The following AFF3 variants were observed in gnomAD, a reference collection of about 807,000 sequenced individuals.
AFF3 encodes the protein ALF transcription elongation factor 3, also known as AF4/FMR2 family member 3.
A neutral mutation model predicts 129.7 loss-of-function variants in AFF3; 32 were observed. The observed-to-expected ratio is 0.25, with a 90% confidence interval of 0.19 to 0.33. AFF3 has a LOEUF of 0.33. Among genes scored for constraint, AFF3 ranks in the 10% least tolerant of loss-of-function variants. AFF3 has a pLI of 1.00. For missense variants in AFF3, 1,373 were observed against 1,592.0 expected (o/e 0.86, Z 2.34); for synonymous variants, 644 against 635.4 (o/e 1.01, Z -0.20).
intron 8 of AFF3, among the ~76,000 whole-genome samples, chr2:99,771,374 T>A (rs951777732): frequency 3.4e-5 from 5 of 148,554 alleles, no homozygotes; most frequent in African/African-American, 5.0e-5. Context: ...TAAGCCTGCA[T>A]ATCCTGCATA....
chr2:100,075,090 A>G (rs1477214270), intron 4 of AFF3, among the ~76,000 whole-genome samples: 1 of 152,218 alleles, frequency 6.6e-6, no homozygotes, highest in Non-Finnish European at 1.5e-5. Context: ...AGAGTATTAC[A>G]GCTTTCACAA....
intron 2 of AFF3, among the ~76,000 whole-genome samples, chr2:100,111,598 TAGTC>T (rs1213366638): frequency 6.6e-5 from 10 of 152,220 alleles, no homozygotes; most frequent in African/African-American, 1.2e-4. Flanking sequence ...GGAATAATAA[TAGTC>T]AGCCTTTCTT....
chr2:99,815,824 C>G (rs1427563483), intron 8 of AFF3, among the ~76,000 whole-genome samples: 1 of 151,504 alleles, frequency 6.6e-6, no homozygotes, highest in Non-Finnish European at 1.5e-5. Flanking sequence ...CTCTCTCTCT[C>G]TCTCTCTGTG....
At chr2:99,777,947 C>CAAAAGA in intron 8 of AFF3, among the ~76,000 whole-genome samples, 1 of 48,338 alleles carries the variant, frequency 2.1e-5, no homozygotes, top group Admixed American at 2.9e-4. Flanking sequence ...AAAGCAAAAG[C>CAAAAGA]AAAAAAAAAA....
intron 7 of AFF3, among the ~76,000 whole-genome samples, chr2:99,908,868 C>T (rs944815648): frequency 5.3e-5 from 8 of 152,200 alleles, no homozygotes; most frequent in East Asian, 3.9e-4. Flanking sequence ...CACTTTTACA[C>T]TGTTGGTGGG....
chr2:99,706,477 A>G (rs1397936381), intron 11 of AFF3, among the ~76,000 whole-genome samples: 21 of 152,290 alleles, frequency 1.4e-4, no homozygotes. Flanking sequence ...TTGTGGGCTT[A>G]CCATCTCTGG....
chr2:99,639,986 G>A (rs1194316686), intron 13 of AFF3, among the ~76,000 whole-genome samples: 1 of 152,064 alleles, frequency 6.6e-6, no homozygotes, highest in Non-Finnish European at 1.5e-5. Context: ...CCCGGCCCAG[G>A]ATGACTTTTT....
rs566738685 is a variant in AFF3, at chr2:99,878,286, T to G, written c.874-40762A>C. Among the ~76,000 whole-genome samples, 4 of 152,292 alleles carry G rather than the reference T, an allele frequency of 2.6e-5. No homozygotes were observed. The South Asian group carries it at 8.3e-4, about 32-fold the overall frequency. On this transcript the variant is annotated intron_variant, in intron 7 of 24. Coordinates refer to ENST00000672756, the MANE Select transcript of AFF3 (RefSeq NM_001386135.1). ...TTCTTTTGGTTGAATGTTAAGTGGC[T>G]AAATTACAACTTTGGGGAGAAACAG...
chr2:99,819,016 T>C (rs1687450775), intron 8 of AFF3, among the ~76,000 whole-genome samples: 1 of 152,230 alleles, frequency 6.6e-6, no homozygotes. Flanking sequence ...ATCAAATGAA[T>C]GTTCCACCAG....
chr2:100,105,716 C>T, intron 2 of AFF3, 133 bp from the exon 3 acceptor site: 2 of 1,361,280 alleles, frequency 1.5e-6, no homozygotes, highest in South Asian at 2.5e-5. Flanking sequence ...CAGGGCCCTA[C>T]CTCTGCTTCT....
chr2:99,749,510 T>C (rs1169511622), intron 9 of AFF3, among the ~76,000 whole-genome samples: 1 of 152,262 alleles, frequency 6.6e-6, no homozygotes, highest in Admixed American at 6.5e-5. Context: ...CAAAAATGTC[T>C]ATGATTCTAT....
At chr2:99,968,399 T>C (rs974649785) in intron 7 of AFF3, among the ~76,000 whole-genome samples, 3 of 152,220 alleles carry the variant, frequency 2.0e-5, no homozygotes, top group Non-Finnish European at 4.4e-5. Flanking sequence ...ACCATAAGCA[T>C]CTACAGAGTT....
chr2:99,585,125 G>A (rs544422730), intron 16 of AFF3, among the ~76,000 whole-genome samples: 16 of 152,264 alleles, frequency 1.1e-4, no homozygotes, highest in South Asian at 6.2e-4. Context: ...AAGATAATGC[G>A]AACAGCCTGA....
intron 7 of AFF3, among the ~76,000 whole-genome samples, chr2:99,958,108 G>A (rs912439106): frequency 5.9e-5 from 9 of 152,130 alleles, no homozygotes; most frequent in African/African-American, 1.4e-4. Context: ...AAACAAGACC[G>A]AACAGACAGA....
chr2:100,123,873 C>T (rs573345149), intron 2 of AFF3, among the ~76,000 whole-genome samples: 7 of 151,956 alleles, frequency 4.6e-5, no homozygotes, highest in Admixed American at 3.3e-4. Context: ...AGAATGGCAG[C>T]ATGAAAGAAG....
chr2:99,884,252 T>C (rs565247535), intron 7 of AFF3, among the ~76,000 whole-genome samples: 2 of 152,364 alleles, frequency 1.3e-5, no homozygotes, highest in East Asian at 3.9e-4. Flanking sequence ...GATAGATTTA[T>C]ACATTATGGA....
chr2:99,825,716 C>A (rs1357215527), intron 8 of AFF3, among the ~76,000 whole-genome samples: 1 of 152,192 alleles, frequency 6.6e-6, no homozygotes, highest in Non-Finnish European at 1.5e-5. Context: ...ATAAAAGTGG[C>A]AGACACAAAA....
intron 2 of AFF3, chr2:100,107,182 A>G: frequency 1.0e-6 from 1 of 985,434 alleles, no homozygotes; most frequent in Non-Finnish European, 1.2e-6. Context: ...AAACCCAAAT[A>G]GTAGTTGCAG....
At chr2:99,705,745 G>A (rs1677296493) in intron 11 of AFF3, among the ~76,000 whole-genome samples, 1 of 151,718 alleles carries the variant, frequency 6.6e-6, no homozygotes, top group Admixed American at 6.6e-5. Context: ...ATGGTGACGG[G>A]CACCTGTAAT....
Sources: allele counts gnomAD v4.1 joint callset (sites outside exome capture counted in the v4.1 genomes callset), GRCh38; gene constraint gnomAD v4.1.1; transcripts MANE v1.5; gene names NCBI Gene and HGNC (gene_info 2026-07-23, HGNC 2026-07-21).